The following RANBP2 variants were observed in gnomAD, a reference collection of about 807,000 sequenced individuals.
RANBP2 encodes RAN binding protein 2, also known as E3 SUMO-protein ligase RanBP2.
Under a neutral mutation model 303.6 loss-of-function variants are expected in RANBP2, and 57 were observed. The observed-to-expected ratio is 0.19, with a 90% CI of 0.15 to 0.23. The LOEUF is 0.23. RANBP2 is among the 10% of genes least tolerant of loss of function. The probability of loss-of-function intolerance (pLI) is 1.00; values close to 1 mark genes in which losing one functional copy is unlikely to be tolerated. For synonymous variants in RANBP2, 1,167 were observed against 1,301.5 expected (o/e 0.90, Z 2.23); for missense variants, 3,138 against 3,780.8 (o/e 0.83, Z 4.46).
the RANBP2 span, among the ~76,000 whole-genome samples, chr2:108,799,317 AACTT>A: frequency 1.3e-5 from 2 of 152,238 alleles, no homozygotes; most frequent in African/African-American, 2.4e-5. Flanking sequence ...CTGTACATAT[AACTT>A]ACTTGGAGTA....
chr2:108,782,465 A>G, intron 27 of RANBP2, 63 bp from the exon 28 acceptor site: 2 of 1,613,600 alleles, frequency 1.2e-6, no homozygotes, highest in Admixed American at 3.3e-5. Context: ...TATAACAAAC[A>G]AAACAACTTA....
chr2:109,059,532 C>T, the RANBP2 span, among the ~76,000 whole-genome samples: 1 of 151,722 alleles, frequency 6.6e-6, no homozygotes, highest in Non-Finnish European at 1.5e-5. Flanking sequence ...GCTGAGATCA[C>T]ACCACTGCAC....
chr2:109,580,075 C>T, the RANBP2 span, among the ~76,000 whole-genome samples: 5 of 151,772 alleles, frequency 3.3e-5, no homozygotes, highest in Admixed American at 6.6e-5. Flanking sequence ...GAGCCTAGAT[C>T]GCACCACTGC....
the RANBP2 span, among the ~76,000 whole-genome samples, chr2:109,610,510 TTCAAGACCAG>T: frequency 6.6e-6 from 1 of 151,698 alleles, no homozygotes; most frequent in Non-Finnish European, 1.5e-5. Context: ...AGGTTGGGAG[TTCAAGACCAG>T]CTTGACCAAC....
the RANBP2 span, among the ~76,000 whole-genome samples, chr2:108,858,330 T>G: frequency 2.0e-5 from 3 of 151,936 alleles, no homozygotes; most frequent in African/African-American, 4.8e-5. Context: ...GGTGCCAGAG[T>G]AAGTCTCCGT....
At chr2:109,583,926 T>C in the RANBP2 span, among the ~76,000 whole-genome samples, 32 of 152,246 alleles carry the variant, frequency 2.1e-4, no homozygotes, top group South Asian at 6.2e-3. Context: ...TATAAGTAAG[T>C]GGGATCTAAA....
At chr2:109,024,291 G>C in the RANBP2 span, among the ~76,000 whole-genome samples, 3 of 152,184 alleles carry the variant, frequency 2.0e-5, no homozygotes, top group Non-Finnish European at 4.4e-5. Context: ...ATGTTATCAT[G>C]AATGTACAAA....
chr2:109,585,016 G>A, the RANBP2 span: 20 of 493,676 alleles, frequency 4.1e-5, no homozygotes, highest in African/African-American at 3.8e-4. Context: ...ATGTGTGGAA[G>A]GAAAGGTATG....
the RANBP2 span, among the ~76,000 whole-genome samples, chr2:109,410,491 C>A: frequency 1.3e-5 from 2 of 152,214 alleles, no homozygotes; most frequent in Non-Finnish European, 2.9e-5. Context: ...GTGCTAAGTT[C>A]CATCAGACAG....
chr2:109,166,041 A>G, the RANBP2 span, among the ~76,000 whole-genome samples: 1 of 151,980 alleles, frequency 6.6e-6, no homozygotes, highest in African/African-American at 2.4e-5. Context: ...GTAGATACAT[A>G]CCTTGGTGAG....
At chr2:109,271,981 G>A in the RANBP2 span, among the ~76,000 whole-genome samples, 1 of 152,184 alleles carries the variant, frequency 6.6e-6, no homozygotes, top group Admixed American at 6.5e-5. Flanking sequence ...TTTTCAGAAT[G>A]GGGTCTTTGG....
the RANBP2 span, among the ~76,000 whole-genome samples, chr2:108,795,611 A>G: frequency 6.6e-6 from 1 of 152,218 alleles, no homozygotes; most frequent in African/African-American, 2.4e-5. Flanking sequence ...TTGTCAAAGT[A>G]ATTCAGATTG....
At chr2:108,779,900 AG>A (rs1434369751) in intron 25 of RANBP2, among the ~76,000 whole-genome samples, 17 of 152,284 alleles carry the variant, frequency 1.1e-4, no homozygotes, top group African/African-American at 3.1e-4. Flanking sequence ...TTCTTCAGGA[AG>A]AAGTAGAGAT....
chr2:109,243,497 A>G, the RANBP2 span, among the ~76,000 whole-genome samples: 1 of 152,148 alleles, frequency 6.6e-6, no homozygotes, highest in Non-Finnish European at 1.5e-5. Flanking sequence ...ATGAACAGGA[A>G]ATGCTCATGA....
chr2:109,002,147 A>C, the RANBP2 span, among the ~76,000 whole-genome samples: 1,477 of 151,782 alleles, frequency 9.7e-3, 17 homozygotes, highest in African/African-American at 0.034. Context: ...CTGTCCCCCA[A>C]CTCTTTCTGC....
At chr2:109,280,771 G>A in the RANBP2 span, among the ~76,000 whole-genome samples, 13 of 152,202 alleles carry the variant, frequency 8.5e-5, no homozygotes, top group Admixed American at 6.5e-4. Context: ...CCTCGAGGGC[G>A]CTGCAGGGTT....
chr2:109,214,184 C>T, the RANBP2 span, among the ~76,000 whole-genome samples: 1 of 152,114 alleles, frequency 6.6e-6, no homozygotes, highest in Non-Finnish European at 1.5e-5. Context: ...GAGGCTAAGA[C>T]GCAGACTGGA....
chr2:109,228,344 G>A, the RANBP2 span, among the ~76,000 whole-genome samples: 1 of 152,188 alleles, frequency 6.6e-6, no homozygotes, highest in Non-Finnish European at 1.5e-5. Context: ...TTAGTCTGAA[G>A]ATGTTTGGGA....
At chr2:108,883,761 G>T in the RANBP2 span, 1 of 152,262 alleles carries the variant, frequency 6.6e-6, no homozygotes, top group East Asian at 1.9e-4. Context: ...AGGGCACAGT[G>T]CTTTGTGACT....
Sources: gnomAD v4.1 joint callset for allele counts (sites outside exome capture counted in the v4.1 genomes callset) on GRCh38, gnomAD v4.1.1 for gene constraint, MANE v1.5 for transcripts, NCBI Gene and HGNC (gene_info 2026-07-23, HGNC 2026-07-21) for gene names.